CHD6: variants seen among roughly 807,000 people sequenced by gnomAD.
The protein encoded by CHD6 is ATP-dependent chromatin remodeler CHD6.
A neutral mutation model predicts 276.9 loss-of-function variants in CHD6; 50 were observed. The ratio of observed to expected loss-of-function variants is 0.18; its 90% CI spans 0.14 to 0.23. CHD6 has a LOEUF of 0.23. CHD6 is among the 10% of genes least tolerant of loss of function. CHD6 has a pLI of 1.00. For missense variants in CHD6, 2,564 were observed against 3,365.8 expected (o/e 0.76, Z 5.89); for synonymous variants, 1,173 against 1,229.3 (o/e 0.95, Z 0.96).
In CHD6 at chr20:41,415,167, T is replaced by TA. The variant is rs750732563; in HGVS notation, c.6939+18dup. ...TGTAGAAAGGTAAATGTTTTTAATC[T>TA]AATGACCTCAATACCCACCAAGATT... On this transcript the variant is annotated intron_variant, in intron 34 of 36. Coordinates refer to ENST00000373233, the MANE Select transcript of CHD6 (RefSeq NM_032221.5). 1.3e-6 allele frequency: 2 copies of TA among 1,597,444 alleles called. No homozygotes were observed. The highest frequency in any genetic ancestry group is 4.5e-5 in the East Asian group (2 of 44,728).
At chr20:41,498,066 A>T in intron 7 of CHD6, 102 bp downstream of exon 7, 2 of 817,442 alleles carry the variant, frequency 2.4e-6, no homozygotes, top group Non-Finnish European at 4.1e-6. Context: ...GTCATGCCTT[A>T]GAGGCAAGAC....
chr20:41,490,025 C>T lies in CHD6; in HGVS notation c.1437-4G>A. ...ATCAGCCAAAATACAGTTTTTTCTG[C>T]AGAGAGTGAGAAATATAGGTAATTC... On this transcript the variant is annotated splice_region_variant and splice_polypyrimidine_tract_variant and intron_variant, in intron 11 of 36. Coordinates refer to ENST00000373233, the MANE Select transcript of CHD6 (RefSeq NM_032221.5). The T allele has an allele frequency of 6.2e-7, 1 of 1,612,140 alleles. No homozygotes were observed. Among genetic ancestry groups the T allele is most frequent in the Non-Finnish European group, 8.5e-7 (1 of 1,178,378 alleles).
chr20:41,421,968 G>A lies in CHD6; in HGVS notation c.4667C>T (p.Pro1556Leu). ...RKVREQVLKCPQLHERLQLCR... is the reference protein window; with the variant it reads ...RKVREQVLKCLQLHERLQLCR... ...CAGCTGGAGGCGTTCATGCAGCTGA[G>A]GGCACTTGAGCACTTGCTCTCGGAC... The change falls in exon 31 of 37, where the codon CCT (proline) becomes CTT (leucine). Residue 1556 changes from proline to leucine, a missense_variant. Physicochemically the swap from Pro to Leu is moderately conservative, Grantham distance 98. Around this residue, in one of 7 missense-constraint regions of CHD6, gnomAD observed 515 missense variants for 739.5 expected, o/e 0.70. Transcript: ENST00000373233. The A allele has an allele frequency of 1.2e-6, 2 of 1,614,226 alleles. No homozygotes were observed. The highest frequency in any genetic ancestry group is 1.7e-6 in the Non-Finnish European group (2 of 1,180,036).
Position 41,403,388 on chromosome 20 carries a change from GTTTC to G in CHD6, c.*1201_*1204del. ...GACATGGGGAAGTGCTGCTTAGGCAGTTTCTTTCTCAGTTCCTAAACATGGAGAA... is the reference window on the plus strand; with the variant it reads ...GACATGGGGAAGTGCTGCTTAGGCAGTTTCTCAGTTCCTAAACATGGAGAA... On this transcript the variant is annotated 3_prime_UTR_variant, in exon 37 of 37. Coordinates refer to ENST00000373233, the MANE Select transcript of CHD6 (RefSeq NM_032221.5). The G allele has an allele frequency of 9.4e-7, 1 of 1,063,284 alleles. No individual in the cohort carries two copies. The highest frequency in any genetic ancestry group is 1.1e-6 in the Non-Finnish European group (1 of 877,814). The allele number at this position is 1,063,284 out of a possible 1,614,324, so 65.9% of individuals were successfully genotyped here.
At chr20:41,481,253 G>T (rs1482353792) in intron 16 of CHD6, among the ~76,000 whole-genome samples, 2 of 151,780 alleles carry the variant, frequency 1.3e-5, no homozygotes, top group East Asian at 3.9e-4. Flanking sequence ...TTAAGACAAA[G>T]ATTTGACTAT....
At chr20:41,492,850 G>A (rs564033041) in intron 10 of CHD6, among the ~76,000 whole-genome samples, 28 of 152,368 alleles carry the variant, frequency 1.8e-4, no homozygotes, top group African/African-American at 6.3e-4. Context: ...GAACTCGGGA[G>A]ATGGAGGTTG....
intron 8 of CHD6, among the ~76,000 whole-genome samples, chr20:41,495,506 G>A (rs1194714854): frequency 2.0e-5 from 3 of 152,116 alleles, no homozygotes; most frequent in Non-Finnish European, 4.4e-5. Context: ...TTTCAGTTAC[G>A]CAGGATGAAT....
chr20:41,477,611 A>C (rs1467080918), intron 16 of CHD6, among the ~76,000 whole-genome samples: 1 of 152,214 alleles, frequency 6.6e-6, no homozygotes, highest in Non-Finnish European at 1.5e-5. Context: ...ATGACAGTAA[A>C]GGATGTTTTA....
At position 41,514,987 on chromosome 20, in the gene CHD6, C is replaced by T. The variant is rs376216527; in HGVS notation, c.555-35G>A. Reference sequence around the variant, plus strand: ...GAAATTCAGAATTAAAACTGTTGGGCAGTTTTTAAAACTAAGATTTCTCAT... The same window carrying T: ...GAAATTCAGAATTAAAACTGTTGGGTAGTTTTTAAAACTAAGATTTCTCAT... On this transcript the variant is annotated intron_variant, in intron 3 of 36. Coordinates refer to ENST00000373233, the MANE Select transcript of CHD6 (RefSeq NM_032221.5). 5 of 1,609,532 alleles carry T rather than the reference C, an allele frequency of 3.1e-6. No homozygotes were observed. In the African/African-American group the frequency reaches 6.7e-5, roughly 22 times the overall value.
intron 1 of CHD6, among the ~76,000 whole-genome samples, chr20:41,598,022 C>A (rs1309352966): frequency 6.6e-6 from 1 of 152,106 alleles, no homozygotes; most frequent in Non-Finnish European, 1.5e-5. Flanking sequence ...GTTCTATGGA[C>A]TACGAAAAAT....
chr20:41,608,644 T>C (rs1036728800), intron 1 of CHD6, among the ~76,000 whole-genome samples: 2 of 152,168 alleles, frequency 1.3e-5, no homozygotes, highest in East Asian at 3.8e-4. Context: ...CTCACAAATA[T>C]TTACATGACT....
intron 34 of CHD6, chr20:41,413,755 A>C: frequency 2.7e-6 from 1 of 368,732 alleles, no homozygotes; most frequent in Non-Finnish European, 4.9e-6. Flanking sequence ...TCCACTTGGT[A>C]CACTTTAACT....
In CHD6 at chr20:41,425,217, G is replaced by C. The variant is rs373992998; in HGVS notation, c.4307C>G (p.Thr1436Ser). The C allele has an allele frequency of 1.2e-6, 2 of 1,614,176 alleles. No individual in the cohort carries two copies. Among genetic ancestry groups the C allele is most frequent in the African/African-American group, 2.7e-5 (2 of 75,026 alleles). ...YWVQEEMFRR[T>S]SEMDLINKEA... ...CTTGTTGATGAGGTCCATTTCTGAG[G>C]TTCTCCTGAACATCTCTTCCTGAAC... The change falls in exon 29 of 37, where the codon ACC becomes AGC. Residue 1436 changes from threonine to serine, a missense_variant. Physicochemically the swap from Thr to Ser is moderately conservative, Grantham distance 58 (BLOSUM62 1). Coordinates refer to ENST00000373233, the MANE Select transcript of CHD6 (RefSeq NM_032221.5).
intron 27 of CHD6, among the ~76,000 whole-genome samples, chr20:41,434,096 T>A (rs918004152): frequency 3.9e-5 from 6 of 152,132 alleles, no homozygotes; most frequent in African/African-American, 1.2e-4. Flanking sequence ...GTGTAAATGG[T>A]CTGAATAATA....
chr20:41,440,286 A>G (rs1028435723), intron 25 of CHD6, among the ~76,000 whole-genome samples, 157 bp from the exon 26 acceptor site: 8 of 152,230 alleles, frequency 5.3e-5, no homozygotes, highest in Admixed American at 3.3e-4. Flanking sequence ...ACTATCAGGG[A>G]AAAATCCTGG....
intron 1 of CHD6, among the ~76,000 whole-genome samples, chr20:41,574,240 G>A (rs2045449354): frequency 6.6e-6 from 1 of 152,178 alleles, no homozygotes; most frequent in South Asian, 2.1e-4. Flanking sequence ...GTATGTTATT[G>A]TTCAATAAAA....
In CHD6 at chr20:41,415,459, T is replaced by A; in HGVS notation, c.6666A>T (p.Ser2222=). 2 of 1,612,948 alleles carry A rather than the reference T, an allele frequency of 1.2e-6. No individual in the cohort carries two copies. The highest frequency in any genetic ancestry group is 1.7e-5 in the Admixed American group (1 of 59,828). ...HGESAMDLSC[S]SEGSPGATSP... ...ATGTGGCTCCTGGGGACCCCTCTGA[T>A]GAGCAGGAGAGGTCCATAGCTGACT... The change falls in exon 34 of 37, where the codon TCA becomes TCT. Residue 2222 remains serine (S), a synonymous_variant. Coordinates refer to ENST00000373233, the MANE Select transcript of CHD6 (RefSeq NM_032221.5).
At chr20:41,472,867 G>A (rs1327654709) in intron 17 of CHD6, among the ~76,000 whole-genome samples, 1 of 152,160 alleles carries the variant, frequency 6.6e-6, no homozygotes, top group Non-Finnish European at 1.5e-5. Flanking sequence ...GAGAACAAAG[G>A]AACTAGTGAG....
intron 19 of CHD6, among the ~76,000 whole-genome samples, chr20:41,455,295 G>A (rs192300507): frequency 1.3e-5 from 2 of 152,242 alleles, no homozygotes; most frequent in African/African-American, 2.4e-5. Context: ...GGAAACCTGA[G>A]AGTGATCTGC....
Sources: allele counts gnomAD v4.1 joint callset (sites outside exome capture counted in the v4.1 genomes callset), GRCh38; gene constraint gnomAD v4.1.1; regional missense constraint gnomAD v4.1.1; transcripts MANE v1.5; gene names NCBI Gene and HGNC (gene_info 2026-07-23, HGNC 2026-07-21).